NRXN1: variants seen among roughly 807,000 people sequenced by gnomAD.
NRXN1 encodes neurexin 1.
In NRXN1, 39 loss-of-function variants were observed where a neutral mutation model predicts 150.9. The observed-to-expected ratio is 0.26, with a 90% confidence interval of 0.20 to 0.34. The LOEUF (loss-of-function observed/expected upper bound fraction) is 0.34, where lower values mean the gene tolerates loss of function less well. Among genes scored for constraint, NRXN1 ranks in the 10% least tolerant of loss-of-function variants. The pLI, the probability that NRXN1 is intolerant of heterozygous loss-of-function variation, is 1.00. For synonymous variants in NRXN1, 924 were observed against 757.0 expected (o/e 1.22, Z -3.62); for missense variants, 1,815 against 1,949.9 (o/e 0.93, Z 1.30).
chr2:49,989,227 A>G (rs1681493283), intron 21 of NRXN1, among the ~76,000 whole-genome samples: 2 of 152,206 alleles, frequency 1.3e-5, no homozygotes, highest in Non-Finnish European at 2.9e-5. Flanking sequence ...CACCAAGTGA[A>G]ACCTTGGGGT....
intron 5 of NRXN1, among the ~76,000 whole-genome samples, chr2:50,773,406 G>C (rs1306605223): frequency 6.6e-6 from 1 of 152,158 alleles, no homozygotes; most frequent in African/African-American, 2.4e-5. Flanking sequence ...AGCAACCCTA[G>C]ATTCCTGTGT....
intron 5 of NRXN1, among the ~76,000 whole-genome samples, chr2:50,912,634 C>A (rs1170267266): frequency 6.6e-6 from 1 of 151,518 alleles, no homozygotes; most frequent in Non-Finnish European, 1.5e-5. Flanking sequence ...TAGTAATGAT[C>A]TCAAGGTTTG....
intron 21 of NRXN1, among the ~76,000 whole-genome samples, chr2:49,957,239 A>T (rs919169717): frequency 6.6e-6 from 1 of 152,134 alleles, no homozygotes; most frequent in Non-Finnish European, 1.5e-5. Context: ...CTTTCGATGT[A>T]AAAGTGAAGT....
At chr2:50,251,152 T>A (rs2067027790) in intron 17 of NRXN1, among the ~76,000 whole-genome samples, 1 of 151,628 alleles carries the variant, frequency 6.6e-6, no homozygotes, top group Non-Finnish European at 1.5e-5. Context: ...GAGCCCCACA[T>A]GTGTTAGCAT....
chr2:50,413,277 T>C (rs1468634763), intron 17 of NRXN1, among the ~76,000 whole-genome samples: 1 of 152,114 alleles, frequency 6.6e-6, no homozygotes, highest in Non-Finnish European at 1.5e-5. Flanking sequence ...GGCAAAAGAC[T>C]TGAATAGACA....
At chr2:50,468,515 T>G (rs1344391273) in intron 16 of NRXN1, among the ~76,000 whole-genome samples, 1 of 151,608 alleles carries the variant, frequency 6.6e-6, no homozygotes, top group Non-Finnish European at 1.5e-5. Context: ...TTATGTAATA[T>G]TATCTTTATT....
chr2:50,267,184 A>G lies in NRXN1; in HGVS notation c.3365-30214T>C, dbSNP rs532670402. 8.9e-4 allele frequency among the ~76,000 whole-genome samples: 135 copies of G among 152,352 alleles called. 1 individual carries two copies. Among genetic ancestry groups the G allele is most frequent in the African/African-American group, 3.2e-3 (131 of 41,586 alleles). On this transcript the variant is annotated intron_variant, in intron 17 of 22. Coordinates refer to ENST00000401669, the MANE Select transcript of NRXN1 (RefSeq NM_001330078.2). ...TAAAGCATATAAGAAAGGTACAAGG[A>G]AAAGCAGCTTAAATATAAATACAAG...
chr2:50,853,200 T>C (rs1674763460), intron 5 of NRXN1, among the ~76,000 whole-genome samples: 1 of 152,120 alleles, frequency 6.6e-6, no homozygotes, highest in African/African-American at 2.4e-5. Context: ...AACGAAACTT[T>C]TACACATTCT....
At position 50,635,745 on chromosome 2, in the gene NRXN1, G is replaced by A. The variant is rs573542681; in HGVS notation, c.833-12130C>T. Among the ~76,000 whole-genome samples, 81 of 152,216 alleles carry A rather than the reference G, an allele frequency of 5.3e-4. 1 individual carries two copies. Among genetic ancestry groups the A allele is most frequent in the Non-Finnish European group, 8.2e-4 (56 of 68,012 alleles). On this transcript the variant is annotated intron_variant, in intron 5 of 22. Coordinates refer to ENST00000401669, the MANE Select transcript of NRXN1 (RefSeq NM_001330078.2). The stretch of plus-strand genomic sequence containing the variant: ...TTAAAGACTCTGTGCTGACCTATCC[G>A]TCACTGCTTAGGTAGATAAGGGAGG...
At chr2:49,979,376 T>C (rs982013352) in intron 21 of NRXN1, among the ~76,000 whole-genome samples, 5 of 152,220 alleles carry the variant, frequency 3.3e-5, no homozygotes, top group African/African-American at 1.2e-4. Context: ...CTCTTTCCCA[T>C]GCTGATGCTG....
At chr2:50,817,029 G>A (rs768882179) in intron 5 of NRXN1, among the ~76,000 whole-genome samples, 14 of 151,948 alleles carry the variant, frequency 9.2e-5, no homozygotes, top group Non-Finnish European at 2.1e-4. Flanking sequence ...ACTGTCTAAA[G>A]AAAAAGGGTC....
chr2:50,679,882 C>T lies in NRXN1; in HGVS notation c.833-56267G>A, dbSNP rs1218804058. ...GTGCAGTGGCTCACACCTGTAATCC[C>T]AGCACTTTGGGAGGCCAAGATGGGC... On this transcript the variant is annotated intron_variant, in intron 5 of 22. Coordinates refer to ENST00000401669, the MANE Select transcript of NRXN1 (RefSeq NM_001330078.2). 8.5e-5 allele frequency among the ~76,000 whole-genome samples: 13 copies of T among 152,074 alleles called. 1 individual carries two copies. The East Asian group carries it at 1.2e-3, about 14-fold the overall frequency.
At chr2:50,090,083 CTT>C (rs1223726012) in intron 19 of NRXN1, among the ~76,000 whole-genome samples, 1 of 152,178 alleles carries the variant, frequency 6.6e-6, no homozygotes, top group Admixed American at 6.5e-5. Flanking sequence ...TGCTTCCTAA[CTT>C]TGTCATAGAG....
At chr2:50,663,077 A>G (rs937321908) in intron 5 of NRXN1, among the ~76,000 whole-genome samples, 30 of 152,072 alleles carry the variant, frequency 2.0e-4, no homozygotes, top group Non-Finnish European at 3.4e-4. Flanking sequence ...TACAGGTGAT[A>G]GAGGCCAGAG....
chr2:50,311,849 A>G (rs1180037102), intron 17 of NRXN1, among the ~76,000 whole-genome samples: 1 of 152,104 alleles, frequency 6.6e-6, no homozygotes, highest in East Asian at 1.9e-4. Flanking sequence ...TATATAATGA[A>G]ATGTCTGTAA....
intron 9 of NRXN1, among the ~76,000 whole-genome samples, chr2:50,546,440 G>A (rs1416392426): frequency 6.6e-6 from 1 of 152,130 alleles, no homozygotes; most frequent in East Asian, 1.9e-4. Flanking sequence ...CTGAATCTTT[G>A]CTTATGATTC....
intron 8 of NRXN1, among the ~76,000 whole-genome samples, chr2:50,591,979 A>G (rs1033633522): frequency 6.6e-6 from 1 of 152,160 alleles, no homozygotes; most frequent in Non-Finnish European, 1.5e-5. Context: ...AGCAAGCCTC[A>G]AATCCGTTCC....
chr2:50,124,072 G>A (rs1371361456), intron 18 of NRXN1, among the ~76,000 whole-genome samples: 1 of 152,048 alleles, frequency 6.6e-6, no homozygotes, highest in Non-Finnish European at 1.5e-5. Context: ...GGGTATTGAG[G>A]AAGAACCAGA....
At chr2:50,717,556 A>T (rs939776086) in intron 5 of NRXN1, among the ~76,000 whole-genome samples, 3 of 152,210 alleles carry the variant, frequency 2.0e-5, no homozygotes, top group Non-Finnish European at 4.4e-5. Context: ...TTTTGATAAG[A>T]TTTGGCATTT....
Sources: gnomAD v4.1 joint callset for allele counts (sites outside exome capture counted in the v4.1 genomes callset) on GRCh38, gnomAD v4.1.1 for gene constraint, MANE v1.5 for transcripts, NCBI Gene and HGNC (gene_info 2026-07-23, HGNC 2026-07-21) for gene names.